Variants in ANKIB1 observed in about 807,000 individuals in gnomAD.
ANKIB1 encodes ankyrin repeat and IBR domain-containing protein 1.
A neutral mutation model predicts 122.1 loss-of-function variants in ANKIB1; 43 were observed. The observed-to-expected ratio is 0.35, with a 90% CI of 0.28 to 0.45. ANKIB1 has a LOEUF of 0.45. Ranked by LOEUF, ANKIB1 falls within the 20% of genes least tolerant of loss-of-function variation. ANKIB1 has a pLI of 1.00. For missense variants in ANKIB1, 992 were observed against 1,329.5 expected, an observed-to-expected ratio of 0.75 and a Z score of 3.95; for synonymous variants, 390 against 442.0, an observed-to-expected ratio of 0.88 and a Z score of 1.48.
chr7:92,256,074 C>G (rs1251873617), intron 1 of ANKIB1, among the ~76,000 whole-genome samples: 4 of 152,048 alleles, frequency 2.6e-5, no homozygotes, highest in African/African-American at 7.3e-5. Context: ...GGCTGGGGAG[C>G]TATTATCATG....
chr7:92,269,602 T>A (rs1279671450), intron 1 of ANKIB1, among the ~76,000 whole-genome samples: 1 of 152,216 alleles, frequency 6.6e-6, no homozygotes, highest in East Asian at 1.9e-4. Context: ...GTTGCCCTGT[T>A]ATAGACTAGA....
chr7:92,336,397 A>T (rs1302957059), intron 5 of ANKIB1, among the ~76,000 whole-genome samples: 1 of 150,122 alleles, frequency 6.7e-6, no homozygotes, highest in Non-Finnish European at 1.5e-5. Context: ...ATTTTTCTTT[A>T]TGTTCTTGAT....
chr7:92,392,043 C>T (rs994413858), intron 16 of ANKIB1, among the ~76,000 whole-genome samples, 198 bp from the exon 17 acceptor site: 1 of 151,996 alleles, frequency 6.6e-6, no homozygotes, highest in Non-Finnish European at 1.5e-5. Context: ...ATTTTTTGAT[C>T]ATTTTACACA....
intron 1 of ANKIB1, among the ~76,000 whole-genome samples, chr7:92,253,444 A>T (rs1243751552): frequency 6.6e-6 from 1 of 152,144 alleles, no homozygotes; most frequent in Non-Finnish European, 1.5e-5. Context: ...GTTTCCACAC[A>T]ACACCCATTG....
chr7:92,398,419 G>C lies in ANKIB1; in HGVS notation c.2740G>C (p.Glu914Gln). 4 of 1,613,710 alleles carry C rather than the reference G, an allele frequency of 2.5e-6. No individual in the cohort carries two copies. The highest frequency in any genetic ancestry group is 3.4e-6 in the Non-Finnish European group (4 of 1,179,760). Reference protein sequence around the residue: ...DSPRAALSSSELLELGDSLMR... With the variant: ...DSPRAALSSSQLLELGDSLMR... The stretch of plus-strand genomic sequence containing the variant: ...CCCTCGGGCTGCATTGAGCAGCTCT[G>C]AGCTTTTGGAACTTGGTGACAGCCT... Residue 914 changes from glutamate to glutamine, a missense_variant, in exon 20 of 20, where the codon GAG becomes CAG. This residue lies in a region of ANKIB1 where 384 missense variants were observed against 412.0 expected (regional missense o/e 0.93). Transcript: ENST00000265742.
At chr7:92,294,790 CGAT>C (rs1802318356) in intron 1 of ANKIB1, 96 bp from the exon 2 acceptor site, 5 of 493,110 alleles carry the variant, frequency 1.0e-5, no homozygotes, top group Non-Finnish European at 1.7e-5. Context: ...GTTCCCTTAT[CGAT>C]GATTCCCAGA....
rs563403689 is a variant in ANKIB1, at chr7:92,379,021, A to G, written c.1617+7414A>G. On this transcript the variant is annotated intron_variant, in intron 11 of 19. Coordinates refer to ENST00000265742, the MANE Select transcript of ANKIB1 (RefSeq NM_019004.2). Reference sequence around the variant, plus strand: ...CCCACTGTAGGTCACAAAAGATGACAAACTAATTGAAAGACAATGAAGTTC... The same window carrying G: ...CCCACTGTAGGTCACAAAAGATGACGAACTAATTGAAAGACAATGAAGTTC... Among the ~76,000 whole-genome samples the G allele has an allele frequency of 9.2e-5, 14 of 152,378 alleles. No homozygotes were observed. The South Asian group carries it at 2.9e-3, about 32-fold the overall frequency.
intron 5 of ANKIB1, among the ~76,000 whole-genome samples, chr7:92,339,639 G>C (rs1484966991): frequency 3.3e-5 from 5 of 152,170 alleles, no homozygotes; most frequent in Admixed American, 2.6e-4. Context: ...TTGCAATATA[G>C]GTACAAGCTC....
intron 9 of ANKIB1, among the ~76,000 whole-genome samples, chr7:92,354,076 G>A (rs1437683502): frequency 2.0e-5 from 3 of 152,136 alleles, no homozygotes; most frequent in Non-Finnish European, 4.4e-5. Context: ...GCTTTTACCA[G>A]TTTTCAGTGT....
chr7:92,354,864 C>T (rs988817222), intron 9 of ANKIB1, among the ~76,000 whole-genome samples: 12 of 152,158 alleles, frequency 7.9e-5, no homozygotes, highest in African/African-American at 1.7e-4. Flanking sequence ...ACAAATTAAA[C>T]GCAAATGATT....
rs577092940 is a variant in ANKIB1 at position 92,299,410 on chromosome 7, G to A, written c.188+4244G>A. On this transcript the variant is annotated intron_variant, in intron 2 of 19. Coordinates refer to ENST00000265742, the MANE Select transcript of ANKIB1 (RefSeq NM_019004.2). ...GGACTTTAATGTAACAGTACAAAAA[G>A]GTCATTGATATCATTTCAAATACTA... is the stretch of plus-strand genomic sequence containing the variant. 1.2e-4 allele frequency among the ~76,000 whole-genome samples: 18 copies of A among 152,194 alleles called. No homozygotes were observed. In the South Asian group the frequency reaches 3.3e-3, roughly 28 times the overall value.
intron 9 of ANKIB1, among the ~76,000 whole-genome samples, chr7:92,358,396 A>T (rs775597869): frequency 6.6e-6 from 1 of 152,142 alleles, no homozygotes; most frequent in Admixed American, 6.5e-5. Context: ...GGTCCTGCTG[A>T]TTGGGCTCAC....
At chr7:92,328,736 A>G (rs919828348) in intron 5 of ANKIB1, among the ~76,000 whole-genome samples, 1 of 151,894 alleles carries the variant, frequency 6.6e-6, no homozygotes, top group African/African-American at 2.4e-5. Flanking sequence ...CTAGCTGGCT[A>G]TTTTAACTAT....
At chr7:92,352,411 C>T in intron 8 of ANKIB1, 65 bp from the exon 9 acceptor site, 1 of 1,485,640 alleles carries the variant, frequency 6.7e-7, no homozygotes, top group Non-Finnish European at 9.3e-7. Context: ...CATAGAGGTA[C>T]ACTCTGTATT....
At chr7:92,316,148 A>C (rs1280527836) in intron 3 of ANKIB1, among the ~76,000 whole-genome samples, 1 of 152,228 alleles carries the variant, frequency 6.6e-6, no homozygotes, top group African/African-American at 2.4e-5. Flanking sequence ...GATAGGCTTA[A>C]AACCATATTT....
chr7:92,307,808 CT>C (rs71107855), intron 3 of ANKIB1, among the ~76,000 whole-genome samples, 152 bp downstream of exon 3: 73 of 47,912 alleles, frequency 1.5e-3, no homozygotes, highest in East Asian at 4.0e-3. Context: ...TAAAGGGCCT[CT>C]TTTTTTTTTT....
rs572586107 is a variant in ANKIB1, at chr7:92,259,895, C to T, written c.-91+13376C>T. Reference sequence around the variant, plus strand: ...TGTCAGCAATTTTTTTGGTTCTTACCTTCAGAGTACATCAAGAATCCAACT... The same window carrying T: ...TGTCAGCAATTTTTTTGGTTCTTACTTTCAGAGTACATCAAGAATCCAACT... On this transcript the variant is annotated intron_variant, in intron 1 of 19. Transcript: ENST00000265742. Among the ~76,000 whole-genome samples the T allele has an allele frequency of 3.9e-5, 6 of 152,164 alleles. No individual in the cohort carries two copies. The East Asian group carries it at 9.6e-4, about 24-fold the overall frequency.
intron 1 of ANKIB1, among the ~76,000 whole-genome samples, chr7:92,279,923 C>T (rs1339099067): frequency 6.6e-6 from 1 of 152,090 alleles, no homozygotes; most frequent in African/African-American, 2.4e-5. Flanking sequence ...AAATTGTCAG[C>T]CTCTACGGGT....
intron 9 of ANKIB1, among the ~76,000 whole-genome samples, chr7:92,357,063 A>G (rs1454325454): frequency 6.6e-6 from 1 of 152,148 alleles, no homozygotes; most frequent in East Asian, 1.9e-4. Flanking sequence ...AAATTTTAAA[A>G]CTTCAGTGGA....
Sources: gnomAD v4.1 joint callset for allele counts (sites outside exome capture counted in the v4.1 genomes callset) on GRCh38, gnomAD v4.1.1 for gene constraint, gnomAD v4.1.1 regional missense constraint, MANE v1.5 for transcripts, NCBI Gene and HGNC (gene_info 2026-07-23, HGNC 2026-07-21) for gene names.